CEP112: variants seen among roughly 807,000 people sequenced by gnomAD.
CEP112 encodes centrosomal protein of 112 kDa.
CEP112 carries 127 observed loss-of-function variants against 153.0 expected under a neutral mutation model. That is an observed-to-expected ratio of 0.83 (90% CI 0.72 to 0.96). The LOEUF (loss-of-function observed/expected upper bound fraction) is 0.96, where lower values mean the gene tolerates loss of function less well. Among genes scored for constraint, CEP112 ranks in the 40% least tolerant of loss-of-function variants. The probability of loss-of-function intolerance (pLI) is 0.00; values close to 1 mark genes in which losing one functional copy is unlikely to be tolerated. For synonymous variants in CEP112, 358 were observed against 374.4 expected (o/e 0.96, Z 0.51); for missense variants, 1,089 against 1,101.2 (o/e 0.99, Z 0.16).
intron 23 of CEP112, among the ~76,000 whole-genome samples, chr17:65,694,395 T>C (rs909673382): frequency 6.6e-6 from 1 of 152,172 alleles, no homozygotes; most frequent in African/African-American, 2.4e-5. Context: ...CTTCACATAG[T>C]GAACAGACTA....
intron 17 of CEP112, among the ~76,000 whole-genome samples, chr17:65,984,884 C>A (rs1343705526): frequency 6.6e-6 from 1 of 151,912 alleles, no homozygotes; most frequent in African/African-American, 2.4e-5. Flanking sequence ...CAAAAAAGAC[C>A]AAGAGGGATG....
intron 17 of CEP112, among the ~76,000 whole-genome samples, chr17:65,966,955 G>C: frequency 6.6e-6 from 1 of 152,196 alleles, no homozygotes; most frequent in African/African-American, 2.4e-5. Context: ...ACAAGCCAAG[G>C]AACTGGGGCA....
At chr17:65,760,849 G>T (rs931256700) in intron 21 of CEP112, among the ~76,000 whole-genome samples, 1 of 152,036 alleles carries the variant, frequency 6.6e-6, no homozygotes, top group Admixed American at 6.6e-5. Flanking sequence ...AAGTTTGGCA[G>T]AATTTACCAT....
intron 1 of CEP112, among the ~76,000 whole-genome samples, chr17:66,189,108 C>CAAGCACA (rs1236516897): frequency 6.6e-6 from 1 of 152,172 alleles, no homozygotes; most frequent in Non-Finnish European, 1.5e-5. Context: ...ATCATGAAAT[C>CAAGCACA]AAGCACAAAG....
intron 19 of CEP112, among the ~76,000 whole-genome samples, chr17:65,914,945 G>A (rs1012486718): frequency 3.9e-5 from 6 of 152,094 alleles, no homozygotes; most frequent in Non-Finnish European, 7.4e-5. Context: ...TAAAGACCTC[G>A]CCATGCAGCA....
At chr17:65,977,191 G>A (rs1209085853) in intron 17 of CEP112, among the ~76,000 whole-genome samples, 1 of 152,220 alleles carries the variant, frequency 6.6e-6, no homozygotes, top group Non-Finnish European at 1.5e-5. Context: ...GTTTCTTACA[G>A]CATCTGTGCT....
chr17:65,811,929 T>C (rs1371122270), intron 21 of CEP112, among the ~76,000 whole-genome samples: 6 of 152,178 alleles, frequency 3.9e-5, no homozygotes, highest in Admixed American at 1.3e-4. Context: ...AATTATTCTC[T>C]TTTTCTTTCC....
intron 21 of CEP112, among the ~76,000 whole-genome samples, chr17:65,808,453 G>A (rs1355181108): frequency 2.0e-5 from 3 of 152,150 alleles, no homozygotes; most frequent in Non-Finnish European, 4.4e-5. Context: ...TGAGATTTGG[G>A]AGGGGTCAGG....
chr17:66,112,163 C>T (rs1039745784), intron 6 of CEP112, among the ~76,000 whole-genome samples: 2 of 152,014 alleles, frequency 1.3e-5, no homozygotes, highest in Admixed American at 6.6e-5. Context: ...TGGTGGCAGG[C>T]ACCTGTAGTC....
intron 4 of CEP112, among the ~76,000 whole-genome samples, chr17:66,147,745 A>G (rs1461832650): frequency 6.6e-6 from 1 of 152,152 alleles, no homozygotes; most frequent in African/African-American, 2.4e-5. Context: ...TTTTTTCCCA[A>G]CACCATTTGT....
chr17:66,062,848 T>C, intron 11 of CEP112, 115 bp downstream of exon 11: 1 of 491,230 alleles, frequency 2.0e-6, no homozygotes, highest in Non-Finnish European at 3.5e-6. Context: ...CCTGGAATTT[T>C]AGTTATTTTT....
chr17:66,052,697 G>T (rs1461731895), intron 12 of CEP112, among the ~76,000 whole-genome samples: 2 of 152,030 alleles, frequency 1.3e-5, no homozygotes, highest in South Asian at 2.1e-4. Flanking sequence ...TAAGAACACT[G>T]GTCAGAGTGG....
At chr17:66,006,535 G>A (rs559024402) in intron 16 of CEP112, among the ~76,000 whole-genome samples, 3 of 152,154 alleles carry the variant, frequency 2.0e-5, no homozygotes, top group Non-Finnish European at 2.9e-5. Context: ...GAACCCAGGA[G>A]GTGGAGGTTG....
intron 21 of CEP112, among the ~76,000 whole-genome samples, chr17:65,761,737 A>T (rs552257446): frequency 2.6e-5 from 4 of 152,158 alleles, no homozygotes; most frequent in African/African-American, 9.6e-5. Flanking sequence ...GTTTAGTTCC[A>T]TTGTGGTCTG....
intron 15 of CEP112, 101 bp from the exon 16 acceptor site, chr17:66,027,661 T>G (rs2065273346): frequency 1.1e-6 from 1 of 920,212 alleles, no homozygotes; most frequent in Admixed American, 4.1e-5. Flanking sequence ...AATGTCAAAC[T>G]TCAGTTCAGA....
chr17:65,694,562 G>A (rs554313123), intron 23 of CEP112, among the ~76,000 whole-genome samples: 2 of 151,904 alleles, frequency 1.3e-5, no homozygotes, highest in African/African-American at 2.4e-5. Context: ...AATGACTTTC[G>A]TTACCTATTA....
In CEP112 at chr17:66,005,763, C is replaced by T. The variant is rs576623443; in HGVS notation, c.1663G>A (p.Asp555Asn). The T allele has an allele frequency of 1.1e-4, 183 of 1,602,062 alleles. 3 individuals carry two copies. The South Asian group carries it at 2.0e-3, about 18-fold the overall frequency. ...LKHIYEKKAH[D>N]LQSELDKGKE... ...CCTTTATCAAGTTCACTCTGCAAGT[C>T]ATGAGCCTGCCATGACAAGAACATG... The change falls in exon 17 of 27, where the codon GAC becomes AAC. Residue 555 changes from aspartate (D) to asparagine (N), a missense_variant. Asp to Asn is a conservative substitution (Grantham distance 23, BLOSUM62 1). Coordinates refer to ENST00000535342, the MANE Select transcript of CEP112 (RefSeq NM_001199165.4).
intron 17 of CEP112, among the ~76,000 whole-genome samples, chr17:66,004,733 G>A (rs182679971): frequency 8.5e-5 from 13 of 152,298 alleles, no homozygotes; most frequent in Non-Finnish European, 1.6e-4. Context: ...AGAAGGAATG[G>A]TTATGCAATC....
chr17:66,009,899 G>A (rs2064440641), intron 16 of CEP112, among the ~76,000 whole-genome samples: 1 of 152,130 alleles, frequency 6.6e-6, no homozygotes, highest in Non-Finnish European at 1.5e-5. Flanking sequence ...GCAATGTGAT[G>A]CTTCCAGCTT....
Sources: allele counts gnomAD v4.1 joint callset (sites outside exome capture counted in the v4.1 genomes callset), GRCh38; gene constraint gnomAD v4.1.1; transcripts MANE v1.5; gene names NCBI Gene and HGNC (gene_info 2026-07-23, HGNC 2026-07-21).